The following IRF2 variants were observed in gnomAD, a reference collection of about 807,000 sequenced individuals.
The protein encoded by IRF2 is interferon regulatory factor 2.
In IRF2, 15 loss-of-function variants were observed where a neutral mutation model predicts 40.6. The observed-to-expected ratio is 0.37, with a 90% CI of 0.25 to 0.57. The LOEUF (loss-of-function observed/expected upper bound fraction) is 0.57. Among genes scored for constraint, IRF2 ranks in the 20% least tolerant of loss-of-function variants. The pLI is 0.77. For missense variants in IRF2, 317 were observed against 455.7 expected, an observed-to-expected ratio of 0.70 and a Z score of 2.77; for synonymous variants, 151 against 165.5, an observed-to-expected ratio of 0.91 and a Z score of 0.67.
At chr4:184,470,108 C>T (rs958376246) in intron 1 of IRF2, among the ~76,000 whole-genome samples, 1 of 152,180 alleles carries the variant, frequency 6.6e-6, no homozygotes, top group African/African-American at 2.4e-5. Context: ...TGATTACACT[C>T]AGGCCAAACA....
At chr4:184,473,582 G>A (rs1198452990) in intron 1 of IRF2, among the ~76,000 whole-genome samples, 1 of 147,624 alleles carries the variant, frequency 6.8e-6, no homozygotes, top group African/African-American at 2.4e-5. Flanking sequence ...CGGCGGCGGC[G>A]GCGGCCCAGC....
At chr4:184,437,830 A>C (rs1452902577) in intron 1 of IRF2, among the ~76,000 whole-genome samples, 1 of 71,408 alleles carries the variant, frequency 1.4e-5, no homozygotes, top group Non-Finnish European at 2.6e-5. Flanking sequence ...ATTGGAACGT[A>C]CAAAAAAAAA....
chr4:184,438,147 C>T (rs1738157868), intron 1 of IRF2, among the ~76,000 whole-genome samples: 1 of 152,162 alleles, frequency 6.6e-6, no homozygotes, highest in Non-Finnish European at 1.5e-5. Flanking sequence ...AATCTTCCAA[C>T]AAGCCACATG....
At chr4:184,393,250 G>C (rs1382770911) in intron 7 of IRF2, among the ~76,000 whole-genome samples, 9 of 152,222 alleles carry the variant, frequency 5.9e-5, no homozygotes, top group Non-Finnish European at 1.0e-4. Context: ...CAGCAGCCCT[G>C]CTTCCCTGGT....
At chr4:184,439,476 C>A (rs1738217328) in intron 1 of IRF2, among the ~76,000 whole-genome samples, 1 of 151,806 alleles carries the variant, frequency 6.6e-6, no homozygotes, top group South Asian at 2.1e-4. Flanking sequence ...TCCATTAACC[C>A]AATGGACTTC....
chr4:184,391,092 A>G (rs1736245133), intron 7 of IRF2, among the ~76,000 whole-genome samples: 1 of 152,140 alleles, frequency 6.6e-6, no homozygotes, highest in Non-Finnish European at 1.5e-5. Flanking sequence ...ATGCCAACCA[A>G]TTCATTTAAT....
chr4:184,473,340 C>T (rs956394032), intron 1 of IRF2, among the ~76,000 whole-genome samples: 1 of 148,926 alleles, frequency 6.7e-6, no homozygotes, highest in Non-Finnish European at 1.5e-5. Context: ...ACCTCGCCCG[C>T]TCCGTAGCCG....
intron 5 of IRF2, among the ~76,000 whole-genome samples, chr4:184,410,276 T>C (rs1022666003): frequency 2.6e-5 from 4 of 152,200 alleles, no homozygotes; most frequent in African/African-American, 7.2e-5. Flanking sequence ...ACCCACGTCA[T>C]AGGGATAAGG....
At chr4:184,445,008 G>A (rs997529011) in intron 1 of IRF2, among the ~76,000 whole-genome samples, 5 of 152,192 alleles carry the variant, frequency 3.3e-5, no homozygotes, top group African/African-American at 9.6e-5. Context: ...AGGCCCTGCC[G>A]TACCATGGTG....
intron 1 of IRF2, among the ~76,000 whole-genome samples, chr4:184,449,411 A>C (rs757572648): frequency 9.2e-5 from 14 of 152,246 alleles, no homozygotes; most frequent in Non-Finnish European, 2.1e-4. Flanking sequence ...TCTGTAGACA[A>C]GAATCTCCAT....
chr4:184,430,169 T>G (rs977931213), intron 1 of IRF2, among the ~76,000 whole-genome samples: 101 of 152,174 alleles, frequency 6.6e-4, no homozygotes, highest in African/African-American at 2.4e-3. Context: ...CTTCCCAGCT[T>G]GCCATGGACT....
chr4:184,443,789 G>A (rs1317642885), intron 1 of IRF2, among the ~76,000 whole-genome samples: 2 of 152,134 alleles, frequency 1.3e-5, no homozygotes, highest in East Asian at 1.9e-4. Context: ...AAATCCAGGA[G>A]ACAGTTTTAA....
intron 1 of IRF2, among the ~76,000 whole-genome samples, chr4:184,444,569 C>A (rs937642632): frequency 2.0e-5 from 3 of 152,208 alleles, no homozygotes; most frequent in African/African-American, 7.2e-5. Flanking sequence ...TTATGGTCAA[C>A]ATTGTTCAAA....
chr4:184,429,890 TC>T (rs1422131023), intron 1 of IRF2, among the ~76,000 whole-genome samples: 1 of 152,144 alleles, frequency 6.6e-6, no homozygotes, highest in Non-Finnish European at 1.5e-5. Context: ...TCGGAATAGA[TC>T]CAGAGGGGAA....
intron 1 of IRF2, among the ~76,000 whole-genome samples, chr4:184,464,100 A>C (rs1280472501): frequency 6.6e-6 from 1 of 152,234 alleles, no homozygotes; most frequent in Admixed American, 6.5e-5. Context: ...TGTATTGGAC[A>C]TGAAGATAGA....
intron 1 of IRF2, among the ~76,000 whole-genome samples, chr4:184,459,920 A>G (rs992291643): frequency 3.9e-5 from 6 of 152,240 alleles, no homozygotes; most frequent in Non-Finnish European, 8.8e-5. Flanking sequence ...GGGATGCAAA[A>G]TGGTACAGCT....
intron 7 of IRF2, among the ~76,000 whole-genome samples, chr4:184,392,805 T>C (rs907322112): frequency 3.3e-5 from 5 of 152,132 alleles, no homozygotes; most frequent in Non-Finnish European, 5.9e-5. Flanking sequence ...TCTCAGCCAC[T>C]GTTCTCCAGT....
At chr4:184,422,930 A>G (rs1161017569) in intron 2 of IRF2, among the ~76,000 whole-genome samples, 2 of 152,190 alleles carry the variant, frequency 1.3e-5, no homozygotes, top group African/African-American at 4.8e-5. Context: ...AATGGTAAAT[A>G]TTTTTTAAAC....
Position 184,408,410 on chromosome 4 carries a change from T to C in IRF2, c.412-135A>G. ...TCAGCTGCCGAATACATTCATCCCC[T>C]GCTTCTTTAAACTGGCCTGTTTTAA... On this transcript the variant is annotated intron_variant, in intron 5 of 8. Coordinates refer to ENST00000393593, the MANE Select transcript of IRF2 (RefSeq NM_002199.4). The surrounding 1 kb of genome is among the most constrained non-coding windows in gnomAD (Gnocchi z 4.9). The C allele has an allele frequency of 1.5e-6, 1 of 677,668 alleles. No homozygotes were observed. The highest frequency in any genetic ancestry group is 2.6e-6 in the Non-Finnish European group (1 of 380,278). The allele number at this position is 677,668 out of a possible 1,614,324, so 42.0% of individuals were successfully genotyped here.
Sources: allele counts gnomAD v4.1 joint callset (sites outside exome capture counted in the v4.1 genomes callset), GRCh38; gene constraint gnomAD v4.1.1; non-coding constraint Gnocchi (gnomAD v3.1); transcripts MANE v1.5; gene names NCBI Gene and HGNC (gene_info 2026-07-23, HGNC 2026-07-21).